The following CAST variants were observed in gnomAD, a reference collection of about 807,000 sequenced individuals.
The protein encoded by CAST is calpastatin, also known as MIR583 host.
Under a neutral mutation model 119.6 loss-of-function variants are expected in CAST, and 76 were observed. The ratio of observed to expected loss-of-function variants is 0.64; its 90% CI spans 0.53 to 0.77. The LOEUF is 0.77. Ranked by LOEUF, CAST falls within the 30% of genes least tolerant of loss-of-function variation. The pLI, the probability that CAST is intolerant of heterozygous loss-of-function variation, is 0.00. For missense variants in CAST, 953 were observed against 946.5 expected (o/e 1.01, Z -0.09); for synonymous variants, 319 against 331.6 (o/e 0.96, Z 0.41).
the CAST span, among the ~76,000 whole-genome samples, chr5:95,963,701 C>A: frequency 1.4e-5 from 2 of 146,454 alleles, no homozygotes; most frequent in African/African-American, 5.2e-5. Flanking sequence ...TAATTCTGTA[C>A]TTGAACTTTT....
chr5:96,104,714 G>T, the CAST span, among the ~76,000 whole-genome samples: 7 of 147,264 alleles, frequency 4.8e-5, no homozygotes, highest in African/African-American at 1.8e-4. Context: ...ACTTGGCGAT[G>T]CGGGCTCTTT....
intron 1 of CAST, among the ~76,000 whole-genome samples, chr5:96,586,518 A>G (rs1266041410): frequency 6.6e-6 from 1 of 152,250 alleles, no homozygotes; most frequent in Non-Finnish European, 1.5e-5. Flanking sequence ...TGGGAGTTCA[A>G]TGTAGGTTAG....
chr5:96,433,062 A>G, the CAST span: 3 of 1,611,854 alleles, frequency 1.9e-6, no homozygotes, highest in African/African-American at 2.7e-5. Flanking sequence ...ACTCGCTTGA[A>G]CAAGAGTGGG....
chr5:96,520,676 T>A (rs1454105752), upstream of CAST, among the ~76,000 whole-genome samples: 2 of 152,126 alleles, frequency 1.3e-5, no homozygotes, highest in Non-Finnish European at 2.9e-5. Context: ...TAGATTCTGG[T>A]TTTTCCCCCT....
At chr5:96,203,308 G>A in the CAST span, among the ~76,000 whole-genome samples, 1 of 151,344 alleles carries the variant, frequency 6.6e-6, no homozygotes, top group African/African-American at 2.4e-5. Context: ...GAGACTTTTA[G>A]CTATTCCACA....
chr5:96,274,871 C>CA, the CAST span, among the ~76,000 whole-genome samples: 1 of 152,068 alleles, frequency 6.6e-6, no homozygotes, highest in Non-Finnish European at 1.5e-5. Flanking sequence ...AAATAATAAA[C>CA]AAAAAAGAAG....
the CAST span, among the ~76,000 whole-genome samples, chr5:96,291,961 G>T: frequency 6.7e-6 from 1 of 148,354 alleles, no homozygotes; most frequent in Non-Finnish European, 1.5e-5. Context: ...CTCTACTCTG[G>T]CTATTTTCTA....
chr5:96,016,571 C>A, the CAST span, among the ~76,000 whole-genome samples: 19 of 152,200 alleles, frequency 1.2e-4, no homozygotes, highest in Non-Finnish European at 4.4e-5. Flanking sequence ...CATACCTGCA[C>A]ACGGCATATG....
the CAST span, among the ~76,000 whole-genome samples, chr5:96,481,109 GTT>G: frequency 5.8e-3 from 841 of 146,128 alleles, 8 homozygotes; most frequent in African/African-American, 0.02. Flanking sequence ...CTCAATCAAA[GTT>G]TTTTTTTTTT....
the CAST span, among the ~76,000 whole-genome samples, chr5:96,235,466 G>A: frequency 6.6e-6 from 1 of 152,158 alleles, no homozygotes; most frequent in Admixed American, 6.5e-5. Context: ...ATAAATAGGA[G>A]CTGTGGCGAG....
the CAST span, among the ~76,000 whole-genome samples, chr5:96,010,613 A>G: frequency 1.3e-5 from 2 of 152,182 alleles, no homozygotes; most frequent in African/African-American, 4.8e-5. Flanking sequence ...CACCAAGCCT[A>G]GAATATTTTT....
chr5:96,548,614 A>G (rs1391771372), intron 1 of CAST, among the ~76,000 whole-genome samples: 1 of 151,726 alleles, frequency 6.6e-6, no homozygotes, highest in East Asian at 1.9e-4. Flanking sequence ...AAATCAGGAA[A>G]CTCCTATTTC....
chr5:96,418,302 C>T, the CAST span, among the ~76,000 whole-genome samples: 1 of 152,172 alleles, frequency 6.6e-6, no homozygotes, highest in Admixed American at 6.5e-5. Flanking sequence ...TATCTTAGAA[C>T]AATGGTAGTA....
chr5:96,553,610 A>T (rs765580093), intron 1 of CAST, among the ~76,000 whole-genome samples: 10 of 152,214 alleles, frequency 6.6e-5, no homozygotes, highest in Non-Finnish European at 1.2e-4. Context: ...GAGGAAGTCA[A>T]ATTGTCTCTG....
intron 1 of CAST, among the ~76,000 whole-genome samples, chr5:96,587,195 A>AT (rs1369544605): frequency 1.3e-5 from 2 of 152,178 alleles, no homozygotes; most frequent in African/African-American, 2.4e-5. Context: ...TGTACAGCAC[A>AT]TTTTTTGCCA....
chr5:96,312,581 T>C, the CAST span, among the ~76,000 whole-genome samples: 1 of 151,584 alleles, frequency 6.6e-6, no homozygotes, highest in African/African-American at 2.4e-5. Context: ...GGTGAATTAG[T>C]CTTGGTTTTG....
chr5:96,341,261 C>A, the CAST span, among the ~76,000 whole-genome samples: 18 of 152,204 alleles, frequency 1.2e-4, no homozygotes, highest in East Asian at 3.5e-3. Flanking sequence ...TTCAAGTTTT[C>A]ATCTTAAAAA....
chr5:96,680,354 C>CAAAAAAAAAAAAAAAAAAAAAAAAAAAAA (rs71617135), intron 2 of CAST, among the ~76,000 whole-genome samples: 2 of 29,272 alleles, frequency 6.8e-5, no homozygotes, highest in African/African-American at 1.5e-4. Context: ...GACTCTGTCT[C>CAAAAAAAAAAAAAAAAAAAAAAAAAAAAA]AAAAAAAAAA....
chr5:96,509,003 C>G, the CAST span, among the ~76,000 whole-genome samples: 2 of 152,164 alleles, frequency 1.3e-5, no homozygotes, highest in African/African-American at 4.8e-5. Flanking sequence ...GCGATTTAAA[C>G]AGTTAATACA....
Sources: allele counts gnomAD v4.1 joint callset (sites outside exome capture counted in the v4.1 genomes callset), GRCh38; gene constraint gnomAD v4.1.1; transcripts MANE v1.5; gene names NCBI Gene and HGNC (gene_info 2026-07-23, HGNC 2026-07-21).